The following MTUS2 variants were observed in gnomAD, a reference collection of about 807,000 sequenced individuals.
MTUS2 encodes microtubule-associated tumor suppressor candidate 2.
Under a neutral mutation model 114.1 loss-of-function variants are expected in MTUS2, and 40 were observed. The ratio of observed to expected loss-of-function variants is 0.35; its 90% CI spans 0.27 to 0.46. MTUS2 has a LOEUF of 0.46. Among genes scored for constraint, MTUS2 ranks in the 20% least tolerant of loss-of-function variants. The pLI, the probability that MTUS2 is intolerant of heterozygous loss-of-function variation, is 1.00. For synonymous variants in MTUS2, 688 were observed against 672.0 expected, an observed-to-expected ratio of 1.02 and a Z score of -0.37; for missense variants, 1,679 against 1,705.4, an observed-to-expected ratio of 0.98 and a Z score of 0.27.
rs148491995 is a variant in MTUS2 at position 28,955,262 on chromosome 13, G to C, written c.-242-69195G>C. 3.2e-3 allele frequency among the ~76,000 whole-genome samples: 492 copies of C among 152,230 alleles called. 2 individuals carry two copies. The highest frequency in any genetic ancestry group is 0.011 in the African/African-American group (477 of 41,538). On this transcript the variant is annotated intron_variant, in intron 2 of 15. Coordinates refer to ENST00000612955, the MANE Select transcript of MTUS2 (RefSeq NM_001033602.4). ...TTTTGCGTAATGCAGCTTGCATTAT[G>C]GTTAATGCACCCCATGCATAATTGA...
intron 4 of MTUS2, among the ~76,000 whole-genome samples, chr13:29,059,857 A>T (rs1888328027): frequency 6.6e-6 from 1 of 152,192 alleles, no homozygotes; most frequent in Non-Finnish European, 1.5e-5. Context: ...TACCACTGGC[A>T]AGGGTGGGGT....
intron 2 of MTUS2, among the ~76,000 whole-genome samples, chr13:28,996,141 A>G (rs1007478899): frequency 6.6e-6 from 1 of 152,206 alleles, no homozygotes; most frequent in African/African-American, 2.4e-5. Flanking sequence ...CCTTTTCTGC[A>G]TCTATTGAGA....
At chr13:29,378,821 G>T (rs752793125) in intron 8 of MTUS2, among the ~76,000 whole-genome samples, 1 of 152,024 alleles carries the variant, frequency 6.6e-6, no homozygotes, top group Non-Finnish European at 1.5e-5. Flanking sequence ...CCCATGCCTT[G>T]CTCACTTCAT....
intron 5 of MTUS2, among the ~76,000 whole-genome samples, chr13:29,210,587 C>A (rs556007407): frequency 1.3e-5 from 2 of 152,148 alleles, no homozygotes; most frequent in Non-Finnish European, 2.9e-5. Context: ...GGCTCAAGGG[C>A]TGTTGTTCAG....
rs1886945674 is a variant in MTUS2 at position 29,033,955 on chromosome 13, T to C, written c.2276T>C (p.Phe759Ser). 1.2e-6 allele frequency: 2 copies of C among 1,613,872 alleles called. No homozygotes were observed. The highest frequency in any genetic ancestry group is 1.7e-5 in the Admixed American group (1 of 60,004). The change falls in exon 4 of 16, where the codon TTC becomes TCC. Residue 759 changes from phenylalanine (F) to serine (S), a missense_variant. This residue lies in a region of MTUS2 where 822 missense variants were observed against 899.7 expected (regional missense o/e 0.91). Coordinates refer to ENST00000612955, the MANE Select transcript of MTUS2 (RefSeq NM_001033602.4). ...GCTCATTATGAAGTCCCTCCAACTT[T>C]CTATCGGTCAGCCATGCTCCTTAAG... Reference protein sequence around the residue: ...PYAHYEVPPTFYRSAMLLKPQ... With the variant: ...PYAHYEVPPTSYRSAMLLKPQ...
intron 3 of MTUS2, among the ~76,000 whole-genome samples, chr13:29,033,624 A>T (rs1262604914): frequency 2.6e-5 from 4 of 152,178 alleles, no homozygotes; most frequent in Non-Finnish European, 5.9e-5. Context: ...GAATTAAAAA[A>T]ATCTTATCCA....
At chr13:28,845,490 T>C (rs1036087933) in intron 2 of MTUS2, among the ~76,000 whole-genome samples, 3 of 152,172 alleles carry the variant, frequency 2.0e-5, no homozygotes, top group African/African-American at 7.2e-5. Flanking sequence ...ATTTACCTAG[T>C]CTTTTGCTTA....
At chr13:29,299,539 C>G (rs1899100103) in intron 6 of MTUS2, among the ~76,000 whole-genome samples, 1 of 152,076 alleles carries the variant, frequency 6.6e-6, no homozygotes, top group Non-Finnish European at 1.5e-5. Flanking sequence ...TACGTTTATG[C>G]TAAGTGCTGT....
intron 8 of MTUS2, among the ~76,000 whole-genome samples, chr13:29,423,578 C>T (rs1876280164): frequency 6.6e-6 from 1 of 152,148 alleles, no homozygotes; most frequent in African/African-American, 2.4e-5. Flanking sequence ...TGGACTAAAA[C>T]ATATTGTGTA....
chr13:29,469,790 G>C (rs559607461), intron 9 of MTUS2, among the ~76,000 whole-genome samples: 2 of 151,922 alleles, frequency 1.3e-5, no homozygotes, highest in East Asian at 1.9e-4. Context: ...CTGGGTGACA[G>C]AGCAAGACCC....
At chr13:29,253,490 A>G (rs569598095) in intron 5 of MTUS2, among the ~76,000 whole-genome samples, 1 of 152,150 alleles carries the variant, frequency 6.6e-6, no homozygotes, top group African/African-American at 2.4e-5. Flanking sequence ...TTTATATACC[A>G]TTTCTATTAC....
intron 5 of MTUS2, among the ~76,000 whole-genome samples, chr13:29,200,333 T>C (rs555996604): frequency 2.5e-4 from 38 of 152,222 alleles, no homozygotes; most frequent in Admixed American, 2.0e-3. Flanking sequence ...CATTTAGTGC[T>C]ATAAATTTCG....
intron 5 of MTUS2, among the ~76,000 whole-genome samples, chr13:29,178,229 C>A (rs997375275): frequency 4.6e-5 from 7 of 152,136 alleles, no homozygotes; most frequent in Non-Finnish European, 7.4e-5. Context: ...AATTGTTTGA[C>A]TAAAGCATTT....
chr13:29,196,500 G>T (rs1488169634), intron 5 of MTUS2, among the ~76,000 whole-genome samples: 2 of 151,936 alleles, frequency 1.3e-5, no homozygotes, highest in Admixed American at 6.6e-5. Context: ...ATTTTTAAGT[G>T]TTCAGTTCAG....
chr13:29,388,698 T>TA (rs1162850086), intron 8 of MTUS2, among the ~76,000 whole-genome samples: 2 of 151,526 alleles, frequency 1.3e-5, no homozygotes, highest in Non-Finnish European at 2.9e-5. Flanking sequence ...AAATTTAAAA[T>TA]AAAAAAAATT....
chr13:29,361,102 C>T (rs1276232560), intron 8 of MTUS2, among the ~76,000 whole-genome samples: 2 of 152,104 alleles, frequency 1.3e-5, no homozygotes, highest in Non-Finnish European at 2.9e-5. Flanking sequence ...TGTAGTTATG[C>T]ACTTCCATGT....
chr13:29,381,866 G>A (rs985100706), intron 8 of MTUS2, among the ~76,000 whole-genome samples: 1 of 152,154 alleles, frequency 6.6e-6, no homozygotes, highest in African/African-American at 2.4e-5. Context: ...CATGAGTAAA[G>A]TGAGAATATA....
chr13:29,298,409 A>G (rs1418504481), intron 6 of MTUS2, among the ~76,000 whole-genome samples: 1 of 152,214 alleles, frequency 6.6e-6, no homozygotes. Flanking sequence ...ATAAATTGTT[A>G]TTGATTTCAC....
At chr13:28,894,285 G>GC (rs1566203516) in intron 2 of MTUS2, among the ~76,000 whole-genome samples, 1 of 33,078 alleles carries the variant, frequency 3.0e-5, no homozygotes, top group Non-Finnish European at 5.3e-5. Flanking sequence ...TTGGTGGGGG[G>GC]GGGGGAGAGA....
Sources: gnomAD v4.1 joint callset for allele counts (sites outside exome capture counted in the v4.1 genomes callset) on GRCh38, gnomAD v4.1.1 for gene constraint, gnomAD v4.1.1 regional missense constraint, MANE v1.5 for transcripts, NCBI Gene and HGNC (gene_info 2026-07-23, HGNC 2026-07-21) for gene names.